Variants in TMEM67 observed in about 807,000 individuals in gnomAD.
TMEM67 encodes transmembrane protein 67.
A neutral mutation model predicts 136.6 loss-of-function variants in TMEM67; 124 were observed. That is an observed-to-expected ratio of 0.91 (90% confidence interval 0.78 to 1.05). The LOEUF is 1.05. Ranked by LOEUF, TMEM67 falls within the 50% of genes least tolerant of loss-of-function variation. TMEM67 has a pLI of 0.00. For synonymous variants in TMEM67, 364 were observed against 390.5 expected (o/e 0.93, Z 0.80); for missense variants, 1,107 against 1,178.4 (o/e 0.94, Z 0.89).
intron 6 of TMEM67, 105 bp downstream of exon 6, chr8:93,765,751 T>A: frequency 2.5e-6 from 2 of 786,628 alleles, no homozygotes; most frequent in Admixed American, 2.1e-5. Context: ...TAAATCATTT[T>A]AAAACAGAAA....
intron 25 of TMEM67, 71 bp downstream of exon 25, chr8:93,809,232 A>G (rs1305408630): frequency 5.5e-6 from 5 of 917,420 alleles, no homozygotes; most frequent in Middle Eastern, 5.5e-4. Flanking sequence ...GGGAATGTCA[A>G]TTATTTCTTC....
chr8:93,793,232 T>C lies in TMEM67; in HGVS notation c.1610T>C (p.Leu537Ser). Residue 537 changes from leucine to serine, a missense_variant, in exon 16 of 28, where the codon TTA (leucine) becomes TCA (serine). Around this residue, in one of 3 missense-constraint regions of TMEM67, gnomAD observed 925 missense variants for 1,002.4 expected, o/e 0.92. Coordinates refer to ENST00000453321, the MANE Select transcript of TMEM67 (RefSeq NM_153704.6). ...GGTGTATTGGGTGGGCTAGCTGTTTTAGCATCTCTTTTGAAGACAGCAGGA... is the reference window on the plus strand; with the variant it reads ...GGTGTATTGGGTGGGCTAGCTGTTTCAGCATCTCTTTTGAAGACAGCAGGA... ...ALGVLGGLAV[L>S]ASLLKTAGWK... The C allele has an allele frequency of 1.2e-6, 2 of 1,614,184 alleles. No homozygotes were observed. The highest frequency in any genetic ancestry group is 1.1e-5 in the South Asian group (1 of 91,076).
downstream of TMEM67, among the ~76,000 whole-genome samples, chr8:93,823,184 C>T (rs1021384859): frequency 6.6e-6 from 1 of 152,190 alleles, no homozygotes; most frequent in Non-Finnish European, 1.5e-5. Flanking sequence ...AAATGGGTTT[C>T]ACTGCACTGA....
At chr8:93,755,216 C>T (rs1256722574) in intron 1 of TMEM67, 79 bp downstream of exon 1, 13 of 1,328,794 alleles carry the variant, frequency 9.8e-6, no homozygotes, top group Non-Finnish European at 1.3e-5. Flanking sequence ...AATGGAGTTT[C>T]ACCATGTTGA....
intron 27 of TMEM67, 118 bp from the exon 28 acceptor site, chr8:93,816,254 T>C (rs1179178622): frequency 3.8e-6 from 2 of 531,178 alleles, no homozygotes; most frequent in Non-Finnish European, 6.8e-6. Context: ...GGGATTCAGA[T>C]ACCTGATACA....
At chr8:93,812,195 A>G (rs1390606598) in intron 26 of TMEM67, among the ~76,000 whole-genome samples, 2 of 152,116 alleles carry the variant, frequency 1.3e-5, no homozygotes, top group Non-Finnish European at 2.9e-5. Flanking sequence ...ACCACTGCCA[A>G]TGAACATGGA....
chr8:93,758,242 G>T (rs550560707), intron 2 of TMEM67, among the ~76,000 whole-genome samples: 1 of 152,332 alleles, frequency 6.6e-6, no homozygotes, highest in South Asian at 2.1e-4. Context: ...TCCTGAAGAA[G>T]AGAGAACTAT....
chr8:93,825,758 C>T, the TMEM67 span, among the ~76,000 whole-genome samples: 10 of 152,274 alleles, frequency 6.6e-5, no homozygotes, highest in East Asian at 1.9e-4. Flanking sequence ...TGAGTGGCTT[C>T]GTGACATTTA....
At chr8:93,758,207 AAG>A (rs1372877543) in intron 2 of TMEM67, among the ~76,000 whole-genome samples, 18 of 152,246 alleles carry the variant, frequency 1.2e-4, no homozygotes, top group African/African-American at 4.3e-4. Context: ...ATAATTATGA[AAG>A]AGGCATCCAT....
chr8:93,827,448 C>T, the TMEM67 span, among the ~76,000 whole-genome samples: 1 of 152,134 alleles, frequency 6.6e-6, no homozygotes, highest in East Asian at 1.9e-4. Flanking sequence ...GTGGTGCAAT[C>T]ATAGCTCGCT....
chr8:93,756,067 T>A, intron 2 of TMEM67: 2 of 458,038 alleles, frequency 4.4e-6, no homozygotes, highest in South Asian at 7.1e-5. Context: ...GTATTTCTTT[T>A]AAAATCTGAA....
chr8:93,780,675 A>C lies in TMEM67; in HGVS notation c.797A>C (p.Asp266Ala). ...AATTCTTACGACTTTGCCACATTTG[A>C]TGCATGTGGACTATTTCAGTTTATC... ...NMNSYDFATF[D>A]ACGLFQFIFE... The change falls in exon 8 of 28, where the codon GAT (aspartate) becomes GCT (alanine). Residue 266 changes from aspartate to alanine, a missense_variant. By Grantham distance (126) the Asp-to-Ala change is moderately radical (BLOSUM62 -2). Coordinates refer to ENST00000453321, the MANE Select transcript of TMEM67 (RefSeq NM_153704.6). 6.2e-7 allele frequency: 1 copy of C among 1,613,994 alleles called. No individual in the cohort carries two copies. The highest frequency in any genetic ancestry group is 8.5e-7 in the Non-Finnish European group (1 of 1,179,952).
intron 22 of TMEM67, among the ~76,000 whole-genome samples, 183 bp from the exon 23 acceptor site, chr8:93,804,579 C>T (rs1272801266): frequency 3.0e-5 from 4 of 134,024 alleles, no homozygotes; most frequent in Non-Finnish European, 6.3e-5. Context: ...CTTTTTCAAA[C>T]ATTTAAAAAA....
rs1206458715 is a variant in TMEM67 at position 93,755,053 on chromosome 8, G to A, written c.139G>A (p.Glu47Lys). ...CTTCTCTTTCCCTTTCCAGCAGCCG[G>A]AGAAGTGCGACAACAACCAGTACTT... The part of the protein sequence containing the change: ...QTFSFPFQQP[E>K]KCDNNQYFDI... Residue 47 changes from glutamate to lysine, a missense_variant, in exon 1 of 28, where the codon GAG becomes AAG. Coordinates refer to ENST00000453321, the MANE Select transcript of TMEM67 (RefSeq NM_153704.6). 6.2e-7 allele frequency: 1 copy of A among 1,614,220 alleles called. No individual in the cohort carries two copies. Among genetic ancestry groups the A allele is most frequent in the Admixed American group, 1.7e-5 (1 of 60,020 alleles).
chr8:93,756,024 G>A (rs1812557925), intron 2 of TMEM67, 158 bp downstream of exon 2: 2 of 489,002 alleles, frequency 4.1e-6, no homozygotes, highest in Non-Finnish European at 7.2e-6. Flanking sequence ...GGAGATCAGC[G>A]AAATTTCATG....
In TMEM67 at chr8:93,780,907, C is replaced by T; in HGVS notation, c.903C>T (p.Asp301=). Residue 301 remains aspartate (D), a synonymous_variant, in exon 9 of 28, where the codon GAC becomes GAT. Coordinates refer to ENST00000453321, the MANE Select transcript of TMEM67 (RefSeq NM_153704.6). ...ATCTTCCTTGGCTGTTTTATGGAGA[C>T]CAGTTAGGATTAGCACCTCAAGTGC... is the stretch of plus-strand genomic sequence containing the variant. The part of the protein sequence containing the change: ...RQNLPWLFYG[D]QLGLAPQVLS... 6.2e-7 allele frequency: 1 copy of T among 1,612,314 alleles called. No homozygotes were observed.
chr8:93,794,758 G>A (rs943422993), intron 16 of TMEM67: 1 of 155,414 alleles, frequency 6.4e-6, no homozygotes, highest in East Asian at 1.9e-4. Context: ...TTGTCTAAGT[G>A]TCTGGCACTC....
chr8:93,804,552 G>T (rs1586082454), intron 22 of TMEM67, among the ~76,000 whole-genome samples: 1 of 132,840 alleles, frequency 7.5e-6, no homozygotes, highest in East Asian at 2.1e-4. Flanking sequence ...CCCTTTCTTG[G>T]AAAATATCTT....
rs752362727 is a variant in TMEM67 at position 93,786,255 on chromosome 8, C to T, written c.1321C>T (p.Arg441Cys). ...CTCTGGAAAGTGGCTTCTAACTCGG[C>T]GCATTTTCTTAGTGGATGCAGTAAG... ...SNSGKWLLTR[R>C]IFLVDAVSGR... The change falls in exon 13 of 28, where the codon CGC becomes TGC. Residue 441 changes from arginine (R) to cysteine (C), a missense_variant. Transcript: ENST00000453321. 2.0e-5 allele frequency: 32 copies of T among 1,613,938 alleles called. No individual in the cohort carries two copies. Among genetic ancestry groups the T allele is most frequent in the Non-Finnish European group, 2.3e-5 (27 of 1,179,952 alleles).
Sources: gnomAD v4.1 joint callset for allele counts (sites outside exome capture counted in the v4.1 genomes callset) on GRCh38, gnomAD v4.1.1 for gene constraint, gnomAD v4.1.1 regional missense constraint, MANE v1.5 for transcripts, NCBI Gene and HGNC (gene_info 2026-07-23, HGNC 2026-07-21) for gene names.